EPHA7: variants seen among roughly 807,000 people sequenced by gnomAD.
EPHA7 encodes the protein ephrin type-A receptor 7.
A neutral mutation model predicts 112.6 loss-of-function variants in EPHA7; 25 were observed. That is an observed-to-expected ratio of 0.22 (90% CI 0.16 to 0.31). The LOEUF is 0.31. Ranked by LOEUF, EPHA7 falls within the 10% of genes least tolerant of loss-of-function variation. EPHA7 has a pLI of 1.00. For synonymous variants in EPHA7, 437 were observed against 406.5 expected, an observed-to-expected ratio of 1.07 and a Z score of -0.90; for missense variants, 962 against 1,212.6, an observed-to-expected ratio of 0.79 and a Z score of 3.07.
chr6:93,358,242 A>T lies in EPHA7; in HGVS notation c.988+14T>A. ...AGGGATTGGAAAGTCCTTTACTTTC[A>T]TAATACAACTCACTTGTGCACGCAA... On this transcript the variant is annotated intron_variant, in intron 4 of 16. Coordinates refer to ENST00000369303, the MANE Select transcript of EPHA7 (RefSeq NM_004440.4). 1 of 1,585,816 alleles carries T rather than the reference A, an allele frequency of 6.3e-7. No individual in the cohort carries two copies.
intron 5 of EPHA7, among the ~76,000 whole-genome samples, chr6:93,330,344 T>G (rs936967392): frequency 6.6e-6 from 1 of 151,302 alleles, no homozygotes; most frequent in Non-Finnish European, 1.5e-5. Flanking sequence ...ATAAAATAAA[T>G]TATTGTTAAC....
In EPHA7 at chr6:93,258,262, A is replaced by T. The variant is rs1193284113; in HGVS notation, c.1947T>A (p.Ser649Arg). ...TTTTCCCTGGAAGTTTCAAACGGCC[A>T]CTGCAGACTTCACCGAATTCTCCTG... ...IGAGEFGEVCSGRLKLPGKRD... is the reference protein window; with the variant it reads ...IGAGEFGEVCRGRLKLPGKRD... The change falls in exon 11 of 17, where the codon AGT becomes AGA. Residue 649 changes from serine to arginine, a missense_variant. Ser to Arg is a moderately radical substitution (Grantham distance 110). Around this residue, in one of 3 missense-constraint regions of EPHA7, gnomAD observed 746 missense variants for 889.2 expected, o/e 0.84. Coordinates refer to ENST00000369303, the MANE Select transcript of EPHA7 (RefSeq NM_004440.4). 1 of 1,602,594 alleles carries T rather than the reference A, an allele frequency of 6.2e-7. No homozygotes were observed. Among genetic ancestry groups the T allele is most frequent in the Non-Finnish European group, 8.5e-7 (1 of 1,173,994 alleles).
chr6:93,397,883 T>G (rs1778257742), intron 3 of EPHA7, among the ~76,000 whole-genome samples: 1 of 151,992 alleles, frequency 6.6e-6, no homozygotes, highest in Admixed American at 6.6e-5. Flanking sequence ...TAATGTGAAC[T>G]CTGGTATGTA....
rs182207296 is a variant in EPHA7, at chr6:93,380,103, T to A, written c.833-21692A>T. Reference sequence around the variant, plus strand: ...CAGATTTCATTCTCCAGCAACATTTTTAAAAAATCCATTATTAATCCATTT... The same window carrying A: ...CAGATTTCATTCTCCAGCAACATTTATAAAAAATCCATTATTAATCCATTT... On this transcript the variant is annotated intron_variant, in intron 3 of 16. Transcript: ENST00000369303. Among the ~76,000 whole-genome samples the A allele has an allele frequency of 8.5e-3, 1,286 of 152,126 alleles. 27 individuals carry two copies. The highest frequency in any genetic ancestry group is 0.029 in the African/African-American group (1,191 of 41,530).
chr6:93,318,351 C>T (rs763103791), intron 5 of EPHA7, among the ~76,000 whole-genome samples: 23 of 151,922 alleles, frequency 1.5e-4, no homozygotes, highest in Non-Finnish European at 2.6e-4. Flanking sequence ...GAAAGATATG[C>T]ACAGAAAGAA....
intron 5 of EPHA7, among the ~76,000 whole-genome samples, chr6:93,344,280 TA>T (rs1221659047): frequency 6.6e-6 from 1 of 151,618 alleles, no homozygotes; most frequent in Non-Finnish European, 1.5e-5. Context: ...TCTTTCTTTT[TA>T]TGACCTTTAT....
At chr6:93,277,312 C>T (rs991058289) in intron 5 of EPHA7, among the ~76,000 whole-genome samples, 1 of 151,950 alleles carries the variant, frequency 6.6e-6, no homozygotes, top group Admixed American at 6.6e-5. Flanking sequence ...TAATGAAATA[C>T]TTGGCCATAA....
intron 3 of EPHA7, 148 bp from the exon 4 acceptor site, chr6:93,358,559 C>A: frequency 1.6e-6 from 1 of 642,224 alleles, no homozygotes. Context: ...TAGGGTATTT[C>A]ACTAGCCAAA....
At chr6:93,415,536 T>C (rs1582700831) in intron 1 of EPHA7, among the ~76,000 whole-genome samples, 1 of 152,082 alleles carries the variant, frequency 6.6e-6, no homozygotes, top group Admixed American at 6.5e-5. Flanking sequence ...CCTGATACTA[T>C]CAGTATGAGA....
chr6:93,257,641 A>T (rs1178922830), intron 11 of EPHA7, 118 bp from the exon 12 acceptor site: 2 of 655,300 alleles, frequency 3.1e-6, no homozygotes, highest in African/African-American at 3.7e-5. Context: ...GAGAAGTATG[A>T]GCATTTCTTT....
At chr6:93,339,607 A>T (rs1422268806) in intron 5 of EPHA7, among the ~76,000 whole-genome samples, 2 of 151,792 alleles carry the variant, frequency 1.3e-5, no homozygotes, top group Non-Finnish European at 3.0e-5. Context: ...AAACATTTTG[A>T]TTCTAAATTC....
In EPHA7 at chr6:93,315,018, A is replaced by G. The variant is rs1267339577; in HGVS notation, c.1324+41699T>C. On this transcript the variant is annotated intron_variant, in intron 5 of 16. Transcript: ENST00000369303. ...GCTGGGACTACAGGCGCCCGCCACC[A>G]CGCCCGGCTAATTTTTTGTATTTTT... Among the ~76,000 whole-genome samples, 111 of 148,340 alleles carry G rather than the reference A, an allele frequency of 7.5e-4. 4 individuals carry two copies. Among genetic ancestry groups the G allele is most frequent in the African/African-American group, 2.6e-3 (106 of 40,140 alleles).
At chr6:93,314,988 G>A (rs1416489118) in intron 5 of EPHA7, among the ~76,000 whole-genome samples, 12 of 143,868 alleles carry the variant, frequency 8.3e-5, no homozygotes, top group Non-Finnish European at 1.4e-4. Context: ...TCAGCCTCCC[G>A]AGTAGCTGGG....
At chr6:93,414,265 AG>A (rs1171520327) in intron 2 of EPHA7, among the ~76,000 whole-genome samples, 1 of 151,942 alleles carries the variant, frequency 6.6e-6, no homozygotes, top group Admixed American at 6.5e-5. Context: ...TATATTTTAA[AG>A]TACATTTTGA....
At chr6:93,379,394 A>T (rs1777224026) in intron 3 of EPHA7, among the ~76,000 whole-genome samples, 1 of 152,122 alleles carries the variant, frequency 6.6e-6, no homozygotes, top group Admixed American at 6.5e-5. Flanking sequence ...CTATTATGAA[A>T]TATGAATATT....
chr6:93,258,753 G>A (rs1057121278), intron 10 of EPHA7, among the ~76,000 whole-genome samples: 1 of 149,732 alleles, frequency 6.7e-6, no homozygotes, highest in Non-Finnish European at 1.5e-5. Flanking sequence ...TCTAAACATT[G>A]CTATTCCTTT....
In EPHA7 at chr6:93,240,736, A is replaced by G. The variant is rs1280281283; in HGVS notation, c.*2690T>C. The G allele has an allele frequency of 4.7e-6, 1 of 212,558 alleles. No homozygotes were observed. Among genetic ancestry groups the G allele is most frequent in the African/African-American group, 2.3e-5 (1 of 43,134 alleles). 13.2% of individuals were successfully genotyped at this position (212,558 alleles called of 1,614,324 possible). On this transcript the variant is annotated 3_prime_UTR_variant, in exon 17 of 17. Coordinates refer to ENST00000369303, the MANE Select transcript of EPHA7 (RefSeq NM_004440.4). Reference sequence around the variant, plus strand: ...TTTCTCTACTTTTCCTCCCCTGAGCACTAATTTATTTAAAAAAAAAGATTT... The same window carrying G: ...TTTCTCTACTTTTCCTCCCCTGAGCGCTAATTTATTTAAAAAAAAAGATTT...
intron 5 of EPHA7, among the ~76,000 whole-genome samples, chr6:93,315,113 C>T (rs28472530): frequency 6.7e-6 from 1 of 150,294 alleles, no homozygotes; most frequent in African/African-American, 2.5e-5. Context: ...CCGCCCGCCT[C>T]GGCCTCCCAA....
At chr6:93,300,456 AG>A (rs1163930800) in intron 5 of EPHA7, among the ~76,000 whole-genome samples, 3 of 152,204 alleles carry the variant, frequency 2.0e-5, no homozygotes, top group Non-Finnish European at 4.4e-5. Flanking sequence ...ACATGCAGTA[AG>A]ATTTAGGACA....
Sources: gnomAD v4.1 joint callset for allele counts (sites outside exome capture counted in the v4.1 genomes callset) on GRCh38, gnomAD v4.1.1 for gene constraint, gnomAD v4.1.1 regional missense constraint, MANE v1.5 for transcripts, NCBI Gene and HGNC (gene_info 2026-07-23, HGNC 2026-07-21) for gene names.